CDKL5: variants seen among roughly 807,000 people sequenced by gnomAD.
CDKL5 encodes the protein cyclin-dependent kinase-like 5.
Under a neutral mutation model 61.7 loss-of-function variants are expected in CDKL5, and 8 were observed. The observed-to-expected ratio is 0.13, with a 90% CI of 0.08 to 0.23. The LOEUF (loss-of-function observed/expected upper bound fraction) is 0.23, where lower values mean the gene tolerates loss of function less well. CDKL5 is among the 10% of genes least tolerant of loss of function. The pLI is 1.00. For synonymous variants in CDKL5, 275 were observed against 272.3 expected, an observed-to-expected ratio of 1.01 and a Z score of -0.10; for missense variants, 440 against 734.5, an observed-to-expected ratio of 0.60 and a Z score of 4.63.
chrX:18,556,256 C>G (rs1219696370), intron 3 of CDKL5, among the ~76,000 whole-genome samples: 2 of 111,779 alleles, frequency 1.8e-5, no homozygotes, highest in Non-Finnish European at 3.8e-5. Flanking sequence ...AATATTATAA[C>G]ATATTATTAG....
intron 15 of CDKL5, 87 bp from the exon 16 acceptor site, chrX:18,619,780 A>G: frequency 3.3e-6 from 2 of 611,729 alleles, no homozygotes; most frequent in South Asian, 2.6e-5. Flanking sequence ...ACCTAGTGTC[A>G]TGCATTTTCA....
intron 1 of CDKL5, among the ~76,000 whole-genome samples, chrX:18,478,616 G>C (rs1285017955): frequency 1.8e-5 from 2 of 108,356 alleles, no homozygotes; most frequent in African/African-American, 3.4e-5. Flanking sequence ...TAATCAGAAA[G>C]TCAGCTATTA....
At chrX:18,473,357 T>C (rs1921173706) in intron 1 of CDKL5, among the ~76,000 whole-genome samples, 1 of 111,258 alleles carries the variant, frequency 9.0e-6, no homozygotes, top group Non-Finnish European at 1.9e-5. Context: ...ATTTAATATA[T>C]TTTGTTGGCT....
At chrX:18,481,334 TTCTTTCTTTC>T (rs1476075670) in intron 1 of CDKL5, among the ~76,000 whole-genome samples, 3 of 92,725 alleles carry the variant, frequency 3.2e-5, no homozygotes, top group Non-Finnish European at 6.2e-5. Context: ...CTTTCTTTCT[TTCTTTCTTTC>T]TTTCTTTCTT....
At chrX:18,436,419 AG>A (rs1569182345) in intron 1 of CDKL5, among the ~76,000 whole-genome samples, 1 of 111,450 alleles carries the variant, frequency 9.0e-6, no homozygotes, top group Non-Finnish European at 1.9e-5. Flanking sequence ...GTAACAGGGT[AG>A]GGTTGGAGAG....
intron 1 of CDKL5, chrX:18,457,439 G>A (rs1297285777): frequency 9.0e-6 from 1 of 111,040 alleles, no homozygotes. Context: ...TTCTCTGTGC[G>A]GAGCTCTATT....
At chrX:18,646,752 A>G (rs2071828) in intron 20 of CDKL5, among the ~76,000 whole-genome samples, 35,451 of 109,819 alleles carry the variant, frequency 0.32, 5,028 homozygotes, top group Admixed American at 0.6. Context: ...CACCTGCTGT[A>G]CCCCACGCCT....
At chrX:18,606,937 G>T (rs1569220392) in intron 12 of CDKL5, among the ~76,000 whole-genome samples, 1 of 111,978 alleles carries the variant, frequency 8.9e-6, no homozygotes, top group Non-Finnish European at 1.9e-5. Context: ...ATAGGAAAAA[G>T]GAAGACTTCA....
intron 9 of CDKL5, among the ~76,000 whole-genome samples, chrX:18,592,975 G>A (rs747190245): frequency 4.6e-4 from 52 of 112,273 alleles, no homozygotes; most frequent in African/African-American, 9.4e-4. Flanking sequence ...GCCTGGTTCC[G>A]TATTTACTAT....
At chrX:18,594,659 T>C (rs911794247) in intron 9 of CDKL5, among the ~76,000 whole-genome samples, 4 of 112,527 alleles carry the variant, frequency 3.6e-5, no homozygotes, top group Non-Finnish European at 7.5e-5. Flanking sequence ...GACCCTCAAT[T>C]ACTATCAGTA....
At position 18,634,352 on chromosome X, in the gene CDKL5, G is replaced by A. The variant is rs1927322387; in HGVS notation, c.*5595G>A. 1 of 753,276 alleles carries A rather than the reference G, an allele frequency of 1.3e-6. No homozygotes were observed. The highest frequency in any genetic ancestry group is 2.3e-5 in the African/African-American group (1 of 43,688). The allele number at this position is 753,276 out of a possible 1,213,427, so 62.1% of individuals were successfully genotyped here. On this transcript the variant is annotated 3_prime_UTR_variant, in exon 18 of 18. Transcript: ENST00000623535. ...AGCTTGTCCTAGTGCTCTGCTTCAG[G>A]TCTTATCAGAAGAAACCCAGGAATA...
chrX:18,458,876 T>C (rs765867972), intron 1 of CDKL5, among the ~76,000 whole-genome samples: 2 of 112,391 alleles, frequency 1.8e-5, no homozygotes, highest in Admixed American at 1.9e-4. Context: ...TAGGTAGCAC[T>C]GGTCTAGAAT....
intron 1 of CDKL5, among the ~76,000 whole-genome samples, chrX:18,439,253 C>G (rs940130111): frequency 1.8e-5 from 2 of 109,642 alleles, no homozygotes; most frequent in African/African-American, 6.7e-5. Flanking sequence ...CTGTGGGGCT[C>G]CAGAATCTTT....
chrX:18,501,854 T>A (rs1309722983), intron 1 of CDKL5, among the ~76,000 whole-genome samples: 1 of 112,694 alleles, frequency 8.9e-6, no homozygotes, highest in Non-Finnish European at 1.9e-5. Flanking sequence ...CGGCCACAAA[T>A]GTTCTTTACA....
rs373051516 is a variant in CDKL5 at position 18,574,006 on chromosome X, T to C, written c.146-1348T>C. ...GGAATCCATTCAGCCTTTTTCCTCC[T>C]GCGTGCCTTGGTTAGAGAGCCTTTC... On this transcript the variant is annotated intron_variant, in intron 4 of 17. Coordinates refer to ENST00000623535, the MANE Select transcript of CDKL5 (RefSeq NM_001323289.2). Among the ~76,000 whole-genome samples, 10 of 111,472 alleles carry C rather than the reference T, an allele frequency of 9.0e-5. No homozygotes were observed. The East Asian group carries it at 1.1e-3, about 13-fold the overall frequency.
intron 3 of CDKL5, among the ~76,000 whole-genome samples, chrX:18,542,814 C>T (rs192990485): frequency 1.8e-5 from 2 of 110,590 alleles, no homozygotes; most frequent in Admixed American, 9.6e-5. Context: ...ATACCACCTC[C>T]GCAAAAGCTC....
chrX:18,438,676 G>C (rs1931663571), intron 1 of CDKL5, among the ~76,000 whole-genome samples: 1 of 105,908 alleles, frequency 9.4e-6, no homozygotes, highest in East Asian at 3.1e-4. Context: ...TGTAGTCCCA[G>C]CTACTCAGGA....
At chrX:18,605,826 G>T (rs770947901) in intron 12 of CDKL5, among the ~76,000 whole-genome samples, 8 of 112,084 alleles carry the variant, frequency 7.1e-5, no homozygotes, top group Non-Finnish European at 9.4e-5. Context: ...AAAAGAGTCT[G>T]AGAGAGCTCT....
intron 1 of CDKL5, among the ~76,000 whole-genome samples, chrX:18,440,428 G>T (rs753608696): frequency 9.8e-5 from 11 of 111,716 alleles, no homozygotes; most frequent in Non-Finnish European, 1.5e-4. Flanking sequence ...AAAGTGGTAG[G>T]ATTGTAGGTG....
Sources: gnomAD v4.1 joint callset for allele counts (sites outside exome capture counted in the v4.1 genomes callset) on GRCh38, gnomAD v4.1.1 for gene constraint, MANE v1.5 for transcripts, NCBI Gene and HGNC (gene_info 2026-07-23, HGNC 2026-07-21) for gene names.